Variants in SYN2 observed in about 807,000 individuals in gnomAD.
SYN2 encodes synapsin-2.
Under a neutral mutation model 50.9 loss-of-function variants are expected in SYN2, and 19 were observed. The observed-to-expected ratio is 0.37, with a 90% confidence interval of 0.26 to 0.55. The LOEUF is 0.55. Ranked by LOEUF, SYN2 falls within the 20% of genes least tolerant of loss-of-function variation. SYN2 has a pLI of 0.81. For synonymous variants in SYN2, 255 were observed against 224.9 expected (o/e 1.13, Z -1.20); for missense variants, 587 against 576.4 (o/e 1.02, Z -0.19).
intron 1 of SYN2, among the ~76,000 whole-genome samples, chr3:12,140,015 C>T (rs1696978163): frequency 6.6e-6 from 1 of 152,226 alleles, no homozygotes; most frequent in Non-Finnish European, 1.5e-5. Flanking sequence ...CACCTTGACC[C>T]ATTTTCTTGA....
At chr3:12,185,362 G>A (rs1437773873) in intron 11 of SYN2, 4 of 985,744 alleles carry the variant, frequency 4.1e-6, no homozygotes, top group South Asian at 4.7e-5. Flanking sequence ...TCATTTGTGA[G>A]CCACAAATGC....
intron 1 of SYN2, among the ~76,000 whole-genome samples, chr3:12,051,864 G>A (rs1236264905): frequency 6.6e-6 from 1 of 152,176 alleles, no homozygotes; most frequent in African/African-American, 2.4e-5. Flanking sequence ...AGGTTTCTCA[G>A]GAATTTATTC....
At chr3:12,104,371 C>A (rs916387901) in intron 1 of SYN2, among the ~76,000 whole-genome samples, 1 of 151,780 alleles carries the variant, frequency 6.6e-6, no homozygotes, top group African/African-American at 2.4e-5. Context: ...GAGAAATTTG[C>A]AAATGCTATA....
At chr3:12,123,950 G>T (rs1035942874) in intron 1 of SYN2, among the ~76,000 whole-genome samples, 3 of 152,062 alleles carry the variant, frequency 2.0e-5, no homozygotes, top group African/African-American at 7.2e-5. Context: ...GGTTGAGGCT[G>T]CAGTGAGCCA....
At chr3:12,141,479 A>C (rs1176511423) in intron 2 of SYN2, among the ~76,000 whole-genome samples, 1 of 152,220 alleles carries the variant, frequency 6.6e-6, no homozygotes, top group Non-Finnish European at 1.5e-5. Context: ...TTATGCAGCT[A>C]GGTAAGGGGA....
chr3:12,186,698 C>T (rs1698347423), intron 11 of SYN2, among the ~76,000 whole-genome samples: 2 of 152,180 alleles, frequency 1.3e-5, no homozygotes, highest in Admixed American at 1.3e-4. Flanking sequence ...CAATCAGACC[C>T]ACGCAGGCTT....
At chr3:12,026,663 C>T (rs997974483) in intron 1 of SYN2, among the ~76,000 whole-genome samples, 11 of 151,886 alleles carry the variant, frequency 7.2e-5, no homozygotes, top group Non-Finnish European at 1.5e-4. Flanking sequence ...GTTCTTGGTG[C>T]GGATATTGTG....
chr3:12,068,337 C>T (rs1377064158), intron 1 of SYN2, among the ~76,000 whole-genome samples: 1 of 152,140 alleles, frequency 6.6e-6, no homozygotes, highest in African/African-American at 2.4e-5. Context: ...TCCAGTATTG[C>T]TCCTGGGAAG....
intron 5 of SYN2, among the ~76,000 whole-genome samples, chr3:12,155,162 C>A (rs897928781): frequency 7.9e-5 from 12 of 152,132 alleles, no homozygotes; most frequent in Admixed American, 2.6e-4. Flanking sequence ...GAACCTCAGT[C>A]GCTCAATCAT....
chr3:12,077,346 T>C (rs187817739), intron 1 of SYN2, among the ~76,000 whole-genome samples: 1 of 152,228 alleles, frequency 6.6e-6, no homozygotes, highest in East Asian at 1.9e-4. Context: ...CCAGGGCACA[T>C]GTGCAGGATG....
chr3:12,101,666 A>G (rs138138400), intron 1 of SYN2, among the ~76,000 whole-genome samples: 52 of 152,320 alleles, frequency 3.4e-4, no homozygotes, highest in Non-Finnish European at 6.2e-4. Context: ...AAAAAGGGAT[A>G]CAAGGAAGAA....
intron 1 of SYN2, among the ~76,000 whole-genome samples, chr3:12,016,331 C>A (rs1357912957): frequency 6.6e-6 from 1 of 152,108 alleles, no homozygotes; most frequent in African/African-American, 2.4e-5. Context: ...GTGTTAGTTG[C>A]CATGAAGGCT....
At chr3:12,056,356 C>A (rs1278682553) in intron 1 of SYN2, among the ~76,000 whole-genome samples, 1 of 151,706 alleles carries the variant, frequency 6.6e-6, no homozygotes, top group Admixed American at 6.6e-5. Flanking sequence ...GTTTATTAAC[C>A]TGGATGGTGG....
chr3:12,017,882 T>A (rs1362253563), intron 1 of SYN2, among the ~76,000 whole-genome samples: 1 of 152,242 alleles, frequency 6.6e-6, no homozygotes, highest in Non-Finnish European at 1.5e-5. Context: ...TTGTTGTACA[T>A]GGTTTGGAAA....
intron 1 of SYN2, among the ~76,000 whole-genome samples, chr3:12,066,078 C>T (rs1380923168): frequency 6.6e-6 from 1 of 152,044 alleles, no homozygotes; most frequent in Non-Finnish European, 1.5e-5. Flanking sequence ...GGTAAATATA[C>T]TAAACCCTAC....
intron 1 of SYN2, among the ~76,000 whole-genome samples, chr3:12,036,959 A>T (rs1293386465): frequency 2.0e-5 from 3 of 152,206 alleles, no homozygotes; most frequent in Admixed American, 6.5e-5. Context: ...CTCCTACCAG[A>T]TATCCTAGTT....
intron 1 of SYN2, among the ~76,000 whole-genome samples, chr3:12,010,073 C>T (rs545860276): frequency 2.5e-3 from 377 of 152,018 alleles, no homozygotes; most frequent in Non-Finnish European, 4.3e-3. Context: ...GTAGCCTGGG[C>T]GACAGAGCAA....
chr3:12,067,662 C>A (rs1050586056), intron 1 of SYN2, among the ~76,000 whole-genome samples: 2 of 151,516 alleles, frequency 1.3e-5, no homozygotes, highest in Non-Finnish European at 2.9e-5. Flanking sequence ...TTCCTTGACA[C>A]TTTCTGAACT....
At chr3:12,018,984 A>G (rs17612444) in intron 1 of SYN2, among the ~76,000 whole-genome samples, 7,466 of 152,214 alleles carry the variant, frequency 0.049, 259 homozygotes, top group East Asian at 0.14. Flanking sequence ...TCTAGTTAGA[A>G]CTGTGTAGGT....
Sources: gnomAD v4.1 joint callset for allele counts (sites outside exome capture counted in the v4.1 genomes callset) on GRCh38, gnomAD v4.1.1 for gene constraint, MANE v1.5 for transcripts, NCBI Gene and HGNC (gene_info 2026-07-23, HGNC 2026-07-21) for gene names.